The following PLCL1 variants were observed in gnomAD, a reference collection of about 807,000 sequenced individuals.
PLCL1 encodes the protein inactive phospholipase C-like protein 1.
In PLCL1, 41 loss-of-function variants were observed where a neutral mutation model predicts 84.4. That is an observed-to-expected ratio of 0.49 (90% confidence interval 0.38 to 0.63). The LOEUF (loss-of-function observed/expected upper bound fraction) is 0.63. Among genes scored for constraint, PLCL1 ranks in the 30% least tolerant of loss-of-function variants. PLCL1 has a pLI of 0.00. For missense variants in PLCL1, 1,206 were observed against 1,367.8 expected, an observed-to-expected ratio of 0.88 and a Z score of 1.87; for synonymous variants, 490 against 488.3, an observed-to-expected ratio of 1.00 and a Z score of -0.05.
At chr2:198,013,126 A>T (rs1490407705) in intron 1 of PLCL1, among the ~76,000 whole-genome samples, 1 of 152,060 alleles carries the variant, frequency 6.6e-6, no homozygotes, top group African/African-American at 2.4e-5. Context: ...TTTTTCTAGC[A>T]GGCTTTGATA....
chr2:197,850,395 T>A (rs954916194), intron 1 of PLCL1, among the ~76,000 whole-genome samples: 4 of 152,198 alleles, frequency 2.6e-5, no homozygotes, highest in Admixed American at 6.6e-5. Flanking sequence ...TTTGAGAAAG[T>A]GTGAATCCTG....
chr2:197,830,340 G>T lies in PLCL1; in HGVS notation c.240+25001G>T, dbSNP rs866122665. Among the ~76,000 whole-genome samples, 9 of 152,012 alleles carry T rather than the reference G, an allele frequency of 5.9e-5. No homozygotes were observed. The South Asian group carries it at 1.7e-3, about 28-fold the overall frequency. Reference sequence around the variant, plus strand: ...AGAAGAACATAAATGAACTGATGGAGCTGAAAAAGACAGCACGAGAACTTC... The same window carrying T: ...AGAAGAACATAAATGAACTGATGGATCTGAAAAAGACAGCACGAGAACTTC... On this transcript the variant is annotated intron_variant, in intron 1 of 5. Coordinates refer to ENST00000428675, the MANE Select transcript of PLCL1 (RefSeq NM_006226.4).
At chr2:197,982,214 T>C (rs1327121773) in intron 1 of PLCL1, among the ~76,000 whole-genome samples, 1 of 149,724 alleles carries the variant, frequency 6.7e-6, no homozygotes, top group Non-Finnish European at 1.5e-5. Context: ...TATATATATA[T>C]GTATATATAT....
intron 1 of PLCL1, among the ~76,000 whole-genome samples, chr2:198,083,012 A>G (rs1159406772): frequency 3.3e-5 from 5 of 152,208 alleles, no homozygotes; most frequent in African/African-American, 1.2e-4. Flanking sequence ...TTCCCTGTAA[A>G]TCTTCTGGCA....
intron 1 of PLCL1, among the ~76,000 whole-genome samples, chr2:197,851,702 C>G (rs757502894): frequency 2.6e-5 from 4 of 152,148 alleles, no homozygotes; most frequent in Non-Finnish European, 5.9e-5. Flanking sequence ...CTTCTCTTAC[C>G]CCTCACCTGC....
chr2:198,122,142 C>G (rs1293839202), intron 5 of PLCL1, among the ~76,000 whole-genome samples: 2 of 152,000 alleles, frequency 1.3e-5, no homozygotes, highest in Non-Finnish European at 2.9e-5. Flanking sequence ...AAGAAGCACA[C>G]AAAATGTGCT....
rs552758966 is a variant in PLCL1, at chr2:198,042,384, A to C, written c.241-41374A>C. ...GTTTGCAATGTTTTAACATTATTTT[A>C]GAAAGGTTAATCTGCAATAGCACAC... is the stretch of plus-strand genomic sequence containing the variant. On this transcript the variant is annotated intron_variant, in intron 1 of 5. Coordinates refer to ENST00000428675, the MANE Select transcript of PLCL1 (RefSeq NM_006226.4). 5.9e-5 allele frequency among the ~76,000 whole-genome samples: 9 copies of C among 152,338 alleles called. No individual in the cohort carries two copies. The South Asian group carries it at 1.9e-3, about 32-fold the overall frequency.
chr2:197,912,460 A>C (rs1191873863), intron 1 of PLCL1, among the ~76,000 whole-genome samples: 29 of 151,938 alleles, frequency 1.9e-4, no homozygotes, highest in African/African-American at 3.9e-4. Context: ...ACCCAAAGGA[A>C]TATAAATCTT....
At chr2:197,917,755 C>T (rs942912337) in intron 1 of PLCL1, among the ~76,000 whole-genome samples, 6 of 151,922 alleles carry the variant, frequency 3.9e-5, no homozygotes, top group Non-Finnish European at 8.8e-5. Flanking sequence ...GAGATGTACG[C>T]GATGAACCTG....
chr2:197,847,147 C>T (rs1687132701), intron 1 of PLCL1, among the ~76,000 whole-genome samples: 1 of 152,028 alleles, frequency 6.6e-6, no homozygotes, highest in Non-Finnish European at 1.5e-5. Flanking sequence ...CTGTAGAAAC[C>T]TGTGATTGTC....
chr2:197,843,730 T>C (rs1687062519), intron 1 of PLCL1, among the ~76,000 whole-genome samples: 1 of 152,150 alleles, frequency 6.6e-6, no homozygotes, highest in Non-Finnish European at 1.5e-5. Context: ...TACTTCCAAA[T>C]TGAAAGATTC....
At chr2:197,811,336 T>C (rs1690582891) in intron 1 of PLCL1, among the ~76,000 whole-genome samples, 1 of 152,242 alleles carries the variant, frequency 6.6e-6, no homozygotes, top group African/African-American at 2.4e-5. Flanking sequence ...ATTGGAATAG[T>C]CCATTGGATT....
At chr2:197,982,044 G>A (rs1176851687) in intron 1 of PLCL1, among the ~76,000 whole-genome samples, 2 of 151,548 alleles carry the variant, frequency 1.3e-5, no homozygotes, top group Non-Finnish European at 2.9e-5. Context: ...ATTGCCTTAA[G>A]TTTAATAGTT....
At chr2:198,058,671 C>A (rs1315962876) in intron 1 of PLCL1, among the ~76,000 whole-genome samples, 23 of 151,500 alleles carry the variant, frequency 1.5e-4, no homozygotes, top group Non-Finnish European at 1.5e-5. Flanking sequence ...CTACCTGTAC[C>A]AGATATCATA....
chr2:197,880,265 A>G (rs1261052348), intron 1 of PLCL1, among the ~76,000 whole-genome samples: 3 of 151,790 alleles, frequency 2.0e-5, no homozygotes, highest in Non-Finnish European at 2.9e-5. Context: ...TTTCTCTTCT[A>G]TTTTTTTCCT....
chr2:197,960,234 T>A (rs995749763), intron 1 of PLCL1, among the ~76,000 whole-genome samples: 27 of 152,004 alleles, frequency 1.8e-4, no homozygotes, highest in Admixed American at 1.8e-3. Flanking sequence ...CTGAGTGGGG[T>A]CACTAGATAA....
intron 1 of PLCL1, among the ~76,000 whole-genome samples, chr2:197,975,078 T>G (rs1315735373): frequency 6.8e-6 from 1 of 146,824 alleles, no homozygotes; most frequent in Admixed American, 7.0e-5. Context: ...GAAGCGGAGC[T>G]TGCAGTGAGC....
Position 197,922,843 on chromosome 2 carries a change from A to G in PLCL1, c.240+117504A>G, listed in dbSNP as rs1431464483. Among the ~76,000 whole-genome samples, 7 of 115,250 alleles carry G rather than the reference A, an allele frequency of 6.1e-5. No individual in the cohort carries two copies. In the East Asian group the frequency reaches 9.1e-4, roughly 15 times the overall value. 75.6% of individuals were successfully genotyped at this position (115,250 alleles called of 152,430 possible). On this transcript the variant is annotated intron_variant, in intron 1 of 5. Coordinates refer to ENST00000428675, the MANE Select transcript of PLCL1 (RefSeq NM_006226.4). ...GCAGAGGGGCTCCTCACTTCCCAGT[A>G]GGGGCGGCCGGGCAGAGGCGCCCCT...
chr2:198,069,759 G>T (rs1183569171), intron 1 of PLCL1, among the ~76,000 whole-genome samples: 1 of 152,168 alleles, frequency 6.6e-6, no homozygotes, highest in African/African-American at 2.4e-5. Context: ...CATTTTGAGT[G>T]TAATATTGCA....
Sources: gnomAD v4.1 joint callset for allele counts (sites outside exome capture counted in the v4.1 genomes callset) on GRCh38, gnomAD v4.1.1 for gene constraint, MANE v1.5 for transcripts, NCBI Gene and HGNC (gene_info 2026-07-23, HGNC 2026-07-21) for gene names.